SLC39A11: variants seen among roughly 807,000 people sequenced by gnomAD.
SLC39A11 encodes solute carrier family 39 member 11.
Under a neutral mutation model 36.1 loss-of-function variants are expected in SLC39A11, and 33 were observed. That is an observed-to-expected ratio of 0.91 (90% CI 0.69 to 1.22). The LOEUF (loss-of-function observed/expected upper bound fraction) is 1.22, where lower values mean the gene tolerates loss of function less well. Ranked by LOEUF, SLC39A11 falls within the 50% of genes most tolerant of loss-of-function variation. The pLI, the probability that SLC39A11 is intolerant of heterozygous loss-of-function variation, is 0.00. For synonymous variants in SLC39A11, 166 were observed against 170.3 expected (o/e 0.97, Z 0.20); for missense variants, 432 against 430.3 (o/e 1.00, Z -0.03).
At chr17:73,036,080 G>C (rs554670933) in intron 3 of SLC39A11, among the ~76,000 whole-genome samples, 7 of 152,160 alleles carry the variant, frequency 4.6e-5, no homozygotes, top group Non-Finnish European at 1.0e-4. Context: ...ACCCAGCCCT[G>C]CTGCCACCTT....
rs147400933 is a variant in SLC39A11 at position 72,820,058 on chromosome 17, C to T, written c.601+29576G>A. On this transcript the variant is annotated intron_variant, in intron 6 of 9. Transcript: ENST00000255559. ...ACAAAGGCTTCCTTCCGATTGACAA[C>T]GAGCACGCCAAAGCCAGAAAACAAG... 1.3e-3 allele frequency among the ~76,000 whole-genome samples: 201 copies of T among 151,300 alleles called. 2 individuals are homozygous for T. Among genetic ancestry groups the T allele is most frequent in the African/African-American group, 4.4e-3 (183 of 41,458 alleles).
chr17:73,052,171 A>C (rs2059526479), intron 3 of SLC39A11, among the ~76,000 whole-genome samples: 1 of 105,330 alleles, frequency 9.5e-6, no homozygotes, highest in Non-Finnish European at 2.0e-5. Context: ...AGACCAAATC[A>C]ACCCCAGAAA....
At chr17:73,069,077 C>T (rs2060082983) in intron 3 of SLC39A11, among the ~76,000 whole-genome samples, 1 of 152,096 alleles carries the variant, frequency 6.6e-6, no homozygotes, top group Non-Finnish European at 1.5e-5. Flanking sequence ...CACTCTTATG[C>T]TTCCAATTTT....
At chr17:72,929,359 G>C (rs1400329783) in intron 5 of SLC39A11, among the ~76,000 whole-genome samples, 1 of 152,142 alleles carries the variant, frequency 6.6e-6, no homozygotes, top group East Asian at 1.9e-4. Context: ...TAAAGAACTG[G>C]CCCGCCCCAA....
chr17:72,781,666 A>T (rs1399793915), intron 6 of SLC39A11, among the ~76,000 whole-genome samples: 2 of 151,710 alleles, frequency 1.3e-5, no homozygotes, highest in Non-Finnish European at 2.9e-5. Context: ...TGTTCTGCTC[A>T]CCTTGGTTTC....
intron 5 of SLC39A11, among the ~76,000 whole-genome samples, chr17:72,924,001 C>T (rs1360901062): frequency 1.3e-5 from 2 of 151,688 alleles, no homozygotes; most frequent in East Asian, 3.9e-4. Flanking sequence ...TTAAAAATTA[C>T]CCAGGCACAG....
chr17:72,946,851 C>T (rs2147708876), intron 5 of SLC39A11, among the ~76,000 whole-genome samples: 1 of 152,314 alleles, frequency 6.6e-6, no homozygotes, highest in East Asian at 1.9e-4. Context: ...TATTGCATTC[C>T]ATCTTCAACA....
intron 6 of SLC39A11, among the ~76,000 whole-genome samples, chr17:72,777,579 T>C (rs1287104674): frequency 1.4e-5 from 2 of 144,896 alleles, no homozygotes; most frequent in Admixed American, 6.8e-5. Flanking sequence ...GAACGATGCA[T>C]CTACAAGCTA....
intron 3 of SLC39A11, among the ~76,000 whole-genome samples, chr17:73,060,395 T>G (rs1021013537): frequency 1.3e-5 from 2 of 152,158 alleles, no homozygotes; most frequent in African/African-American, 4.8e-5. Context: ...TAGAAAACTA[T>G]TAAAGAGCTA....
intron 6 of SLC39A11, among the ~76,000 whole-genome samples, chr17:72,757,879 TTTTG>T (rs2075419822): frequency 1.3e-5 from 2 of 151,960 alleles, no homozygotes; most frequent in African/African-American, 2.4e-5. Context: ...TCAGTTAGTA[TTTTG>T]TTTGTTTTTG....
At chr17:72,883,944 C>T (rs922858419) in intron 5 of SLC39A11, among the ~76,000 whole-genome samples, 3 of 152,070 alleles carry the variant, frequency 2.0e-5, no homozygotes, top group Non-Finnish European at 1.5e-5. Flanking sequence ...TGCTTGAGCT[C>T]GGGAGTTCCA....
At chr17:72,694,882 G>A (rs376103065) in intron 7 of SLC39A11, among the ~76,000 whole-genome samples, 2 of 152,266 alleles carry the variant, frequency 1.3e-5, no homozygotes, top group Non-Finnish European at 1.5e-5. Context: ...CATCCATTAC[G>A]ATATTTCCTC....
intron 6 of SLC39A11, among the ~76,000 whole-genome samples, chr17:72,826,117 T>C (rs1243928381): frequency 6.6e-6 from 1 of 152,190 alleles, no homozygotes; most frequent in East Asian, 1.9e-4. Flanking sequence ...TAATCCCCAG[T>C]GTTGGAGGAA....
At chr17:72,689,551 A>G (rs1598351968) in intron 7 of SLC39A11, among the ~76,000 whole-genome samples, 2 of 152,262 alleles carry the variant, frequency 1.3e-5, no homozygotes, top group African/African-American at 2.4e-5. Flanking sequence ...CCAATTGTCC[A>G]TGAGCCTATG....
At chr17:73,089,751 C>T (rs1483772323) in intron 1 of SLC39A11, 1 of 152,176 alleles carries the variant, frequency 6.6e-6, no homozygotes, top group African/African-American at 2.4e-5. Context: ...CAAAAGGACC[C>T]AGGAATGGAA....
At chr17:72,942,120 TCCTGA>T (rs1598507107) in intron 5 of SLC39A11, among the ~76,000 whole-genome samples, 2 of 151,814 alleles carry the variant, frequency 1.3e-5, no homozygotes, top group Non-Finnish European at 1.5e-5. Context: ...GGTCTCGAAC[TCCTGA>T]CCTGAGGTGA....
intron 5 of SLC39A11, among the ~76,000 whole-genome samples, chr17:72,906,530 C>T (rs1347389808): frequency 6.6e-6 from 1 of 152,216 alleles, no homozygotes; most frequent in Non-Finnish European, 1.5e-5. Flanking sequence ...ACTCCTGACC[C>T]AGCACCTGGA....
chr17:72,843,700 G>C (rs1476249385), intron 6 of SLC39A11, among the ~76,000 whole-genome samples: 3 of 152,136 alleles, frequency 2.0e-5, no homozygotes, highest in African/African-American at 7.2e-5. Context: ...CCATTGTATG[G>C]CATTTTGTAA....
chr17:73,056,173 G>GC (rs1555696635), intron 3 of SLC39A11, among the ~76,000 whole-genome samples: 1 of 145,228 alleles, frequency 6.9e-6, no homozygotes, highest in East Asian at 2.0e-4. Context: ...TTTTTTGTTT[G>GC]TTTGTTTTTT....
Sources: allele counts gnomAD v4.1 joint callset (sites outside exome capture counted in the v4.1 genomes callset), GRCh38; gene constraint gnomAD v4.1.1; transcripts MANE v1.5; gene names NCBI Gene and HGNC (gene_info 2026-07-23, HGNC 2026-07-21).